The following XPC variants were observed in gnomAD, a reference collection of about 807,000 sequenced individuals.
The protein encoded by XPC is XPC complex subunit, DNA damage recognition and repair factor.
In XPC, 76 loss-of-function variants were observed where a neutral mutation model predicts 95.8. That is an observed-to-expected ratio of 0.79 (90% CI 0.66 to 0.96). XPC has a LOEUF of 0.96. XPC is among the 40% of genes least tolerant of loss of function. XPC has a pLI of 0.00. For missense variants in XPC, 1,146 were observed against 1,179.8 expected, an observed-to-expected ratio of 0.97 and a Z score of 0.42; for synonymous variants, 442 against 442.1, an observed-to-expected ratio of 1.00 and a Z score of 0.00.
intron 1 of XPC, among the ~76,000 whole-genome samples, chr3:14,174,553 G>A (rs2125047953): frequency 6.6e-6 from 1 of 152,310 alleles, no homozygotes; most frequent in Admixed American, 6.5e-5. Flanking sequence ...GGGAAAGGGG[G>A]ATAAAGGAAA....
Position 14,152,398 on chromosome 3 carries a change from CAG to C in XPC, c.2050_2051del (p.Leu684AlafsTer28), listed in dbSNP as rs765641981. 2 of 1,612,364 alleles carry C rather than the reference CAG, an allele frequency of 1.2e-6. No homozygotes were observed. Among genetic ancestry groups the C allele is most frequent in the Admixed American group, 1.7e-5 (1 of 59,816 alleles). On this transcript the variant is annotated frameshift_variant, in exon 11 of 16. Coordinates refer to ENST00000285021, the MANE Select transcript of XPC (RefSeq NM_004628.5). LOFTEE classifies it high-confidence loss of function. Reference sequence around the variant, plus strand: ...TCTTCAGCCACGTGTCCCTGGAATGCAGAGTGTGCACACAATCCCTGTGGAAC... The same window carrying C: ...TCTTCAGCCACGTGTCCCTGGAATGCAGTGTGCACACAATCCCTGTGGAAC... ...AVYSRDCVHT[L>X]HSRDTWLKKA... is the part of the protein sequence containing the mutation.
At chr3:14,173,207 A>G (rs1209807289) in intron 1 of XPC, 145 bp from the exon 2 acceptor site, 2 of 745,128 alleles carry the variant, frequency 2.7e-6, no homozygotes, top group Non-Finnish European at 4.0e-6. Context: ...TCTGGTCAGC[A>G]ACCAGCTCTC....
rs946929394 is a variant in XPC, at chr3:14,167,395, T to C, written c.537-142A>G. The C allele has an allele frequency of 3.8e-5, 26 of 686,858 alleles. No individual in the cohort carries two copies. The African/African-American group carries it at 3.9e-4, about 10-fold the overall frequency. The allele number at this position is 686,858 out of a possible 1,614,324, so 42.5% of individuals were successfully genotyped here. On this transcript the variant is annotated intron_variant, in intron 4 of 15. Coordinates refer to ENST00000285021, the MANE Select transcript of XPC (RefSeq NM_004628.5). ...CAAGGCTGTGCTACTCAAGTCCGTC[T>C]GCAAGCCAGCTATTTCCTGCAGGCT... is the stretch of plus-strand genomic sequence containing the variant.
intron 4 of XPC, 49 bp downstream of exon 4, chr3:14,168,208 G>A (rs774615374): frequency 7.7e-6 from 12 of 1,562,008 alleles, no homozygotes; most frequent in Admixed American, 4.2e-5. Context: ...AGCAGCAGCT[G>A]TTGCCTACTG....
Position 14,145,461 on chromosome 3 carries a change from G to C in XPC, c.*480C>G, listed in dbSNP as rs1305663638. ...GTAAGCCTGACTCAGGGGAAGGTAA[G>C]TGGCCTGCAGAGAAATGGTCCTAGG... On this transcript the variant is annotated 3_prime_UTR_variant, in exon 16 of 16. Transcript: ENST00000285021. The C allele has an allele frequency of 2.9e-6, 2 of 695,186 alleles. No individual in the cohort carries two copies. Among genetic ancestry groups the C allele is most frequent in the Non-Finnish European group, 5.3e-6 (2 of 380,750 alleles). 43.1% of individuals were successfully genotyped at this position (695,186 alleles called of 1,614,324 possible). A position where few individuals can be genotyped will look rare whatever the true frequency, so the allele number is the denominator to read the frequency against.
intron 1 of XPC, 103 bp downstream of exon 1, chr3:14,178,363 G>T: frequency 7.5e-7 from 1 of 1,329,226 alleles, no homozygotes; most frequent in East Asian, 2.8e-5. Flanking sequence ...AACGCGCGCA[G>T]CAACCTCCAC....
At position 14,175,457 on chromosome 3, in the gene XPC, CTTG is replaced by C. The variant is rs754859917; in HGVS notation, c.104-2398_104-2396del. ...ATCATGTGAATCCGTTTTTTTTTAACTTGTTATCTGCTCTAAGTACCCCTCCCC... is the reference window on the plus strand; with the variant it reads ...ATCATGTGAATCCGTTTTTTTTTAACTTATCTGCTCTAAGTACCCCTCCCC... On this transcript the variant is annotated intron_variant, in intron 1 of 15. Coordinates refer to ENST00000285021, the MANE Select transcript of XPC (RefSeq NM_004628.5). Among the ~76,000 whole-genome samples, 140 of 151,944 alleles carry C rather than the reference CTTG, an allele frequency of 9.2e-4. 1 individual carries two copies. The East Asian group carries it at 0.024, about 26-fold the overall frequency.
At position 14,178,458 on chromosome 3, in the gene XPC, G is replaced by C. The variant is rs1326450576; in HGVS notation, c.103+8C>G. On this transcript the variant is annotated splice_region_variant and intron_variant, in intron 1 of 15. Transcript: ENST00000285021. ...TCTCCCGCGAAGCCCGCTGGGCCTC[G>C]CTCTCACCCTCCTCCTCCTCCTCAC... 9 of 1,602,556 alleles carry C rather than the reference G, an allele frequency of 5.6e-6. No individual in the cohort carries two copies. The highest frequency in any genetic ancestry group is 1.7e-5 in the Admixed American group (1 of 59,564).
chr3:14,152,607 G>A, intron 10 of XPC, 191 bp from the exon 11 acceptor site: 1 of 535,716 alleles, frequency 1.9e-6, no homozygotes, highest in Non-Finnish European at 3.3e-6. Context: ...CTGTCTTTTG[G>A]GGGATGTGTC....
In XPC at chr3:14,145,408, C is replaced by A; in HGVS notation, c.*533G>T. Reference sequence around the variant, plus strand: ...CTGTACTTCTCTGCTCTCTCCCCTACTGCAAAGAGGCAGTGAGGGCAGCAT... The same window carrying A: ...CTGTACTTCTCTGCTCTCTCCCCTAATGCAAAGAGGCAGTGAGGGCAGCAT... On this transcript the variant is annotated 3_prime_UTR_variant, in exon 16 of 16. Transcript: ENST00000285021. 1.4e-6 allele frequency: 1 copy of A among 698,850 alleles called. No homozygotes were observed. The highest frequency in any genetic ancestry group is 2.6e-6 in the Non-Finnish European group (1 of 383,716). 43.3% of individuals were successfully genotyped at this position (698,850 alleles called of 1,614,324 possible).
intron 11 of XPC, among the ~76,000 whole-genome samples, chr3:14,150,266 G>A (rs1435007241): frequency 6.6e-6 from 1 of 152,244 alleles, no homozygotes; most frequent in Admixed American, 6.5e-5. Flanking sequence ...TGGCCCCTGG[G>A]CCTCAGCATA....
chr3:14,159,940 G>T, intron 7 of XPC, 110 bp from the exon 8 acceptor site: 1 of 1,095,178 alleles, frequency 9.1e-7, no homozygotes, highest in Non-Finnish European at 1.3e-6. Context: ...GCTGGAAACA[G>T]CCAGACTGTC....
rs937741252 is a variant in XPC, at chr3:14,156,503, G to A, written c.1873-8C>T. 7 of 1,613,710 alleles carry A rather than the reference G, an allele frequency of 4.3e-6. No homozygotes were observed. In the African/African-American group the frequency reaches 6.7e-5, roughly 15 times the overall value. ...CATGTGTTTAGCCTGAAACTGCAAA[G>A]GCCAGACAGACAAGGTTGAGCATGT... On this transcript the variant is annotated splice_polypyrimidine_tract_variant and splice_region_variant and intron_variant, in intron 9 of 15. Coordinates refer to ENST00000285021, the MANE Select transcript of XPC (RefSeq NM_004628.5).
intron 7 of XPC, among the ~76,000 whole-genome samples, chr3:14,160,704 A>G (rs765686470): frequency 3.2e-4 from 49 of 152,252 alleles, no homozygotes; most frequent in Non-Finnish European, 6.5e-4. Context: ...CAGAAAAAGG[A>G]TATCAGTGAG....
At chr3:14,156,253 T>G in intron 10 of XPC, 82 bp downstream of exon 10, 1 of 1,521,216 alleles carries the variant, frequency 6.6e-7, no homozygotes, top group East Asian at 2.3e-5. Flanking sequence ...TGAGCTCCCA[T>G]CAGCAACCCT....
chr3:14,175,342 G>T (rs1232428098), intron 1 of XPC, among the ~76,000 whole-genome samples: 5 of 152,094 alleles, frequency 3.3e-5, no homozygotes, highest in Non-Finnish European at 7.4e-5. Context: ...AAGTTTGAGG[G>T]TTTTTCTTTT....
intron 11 of XPC, among the ~76,000 whole-genome samples, chr3:14,150,267 C>A (rs1406699856): frequency 1.3e-5 from 2 of 152,232 alleles, no homozygotes; most frequent in Admixed American, 1.3e-4. Flanking sequence ...GGCCCCTGGG[C>A]CTCAGCATAC....
chr3:14,155,159 C>A (rs573536800), intron 10 of XPC, among the ~76,000 whole-genome samples: 6 of 152,296 alleles, frequency 3.9e-5, no homozygotes, highest in South Asian at 2.1e-4. Flanking sequence ...CAAGACAGGG[C>A]AGAGCCCTGA....
intron 2 of XPC, among the ~76,000 whole-genome samples, chr3:14,172,605 T>C (rs1176240361): frequency 6.6e-6 from 1 of 152,202 alleles, no homozygotes; most frequent in Admixed American, 6.5e-5. Context: ...GAAAGAGCAC[T>C]GGACCAGGAG....
Sources: allele counts gnomAD v4.1 joint callset (sites outside exome capture counted in the v4.1 genomes callset), GRCh38; gene constraint gnomAD v4.1.1; transcripts MANE v1.5; gene names NCBI Gene and HGNC (gene_info 2026-07-23, HGNC 2026-07-21).